PTGER4: variants seen among roughly 807,000 people sequenced by gnomAD.
PTGER4 encodes the protein prostaglandin E receptor 4.
PTGER4 carries 11 observed loss-of-function variants against 33.2 expected under a neutral mutation model. The ratio of observed to expected loss-of-function variants is 0.33; its 90% CI spans 0.21 to 0.55. The LOEUF is 0.55. Among genes scored for constraint, PTGER4 ranks in the 20% least tolerant of loss-of-function variants. The probability of loss-of-function intolerance (pLI) is 0.92; values close to 1 mark genes in which losing one functional copy is unlikely to be tolerated. For missense variants in PTGER4, 481 were observed against 650.2 expected (o/e 0.74, Z 2.83); for synonymous variants, 275 against 281.5 (o/e 0.98, Z 0.23).
At chr5:40,713,855 G>A in the PTGER4 span, among the ~76,000 whole-genome samples, 3 of 152,206 alleles carry the variant, frequency 2.0e-5, no homozygotes, top group East Asian at 5.8e-4. Flanking sequence ...GTCTATGTTT[G>A]TATATCAGTA....
chr5:40,741,977 G>A, the PTGER4 span, among the ~76,000 whole-genome samples: 408 of 152,104 alleles, frequency 2.7e-3, no homozygotes, highest in African/African-American at 9.3e-3. Flanking sequence ...CCAACAGAGC[G>A]AGACTCTGTC....
chr5:40,681,803 G>C lies in PTGER4; in HGVS notation c.810G>C (p.Met270Ile). The change falls in exon 2 of 3, where the codon ATG becomes ATC. Residue 270 changes from methionine (M) to isoleucine (I), a missense_variant. By Grantham distance (10) the Met-to-Ile change is conservative (BLOSUM62 1). Coordinates refer to ENST00000302472, the MANE Select transcript of PTGER4 (RefSeq NM_000958.3). This position sits in a 1 kb window ranked among gnomAD's most constrained non-coding sequence, Gnocchi z 9.8. ...FRRIAGAEIQ[M>I]VILLIATSLV... ...GCATCGCGGGCGCCGAGATCCAGAT[G>C]GTCATCTTACTCATTGCCACCTCCC... The C allele has an allele frequency of 3.8e-6, 6 of 1,590,754 alleles. No individual in the cohort carries two copies. The highest frequency in any genetic ancestry group is 1.8e-5 in the Admixed American group (1 of 56,898).
At chr5:40,713,906 C>A in the PTGER4 span, among the ~76,000 whole-genome samples, 10 of 152,160 alleles carry the variant, frequency 6.6e-5, no homozygotes, top group East Asian at 1.9e-3. Flanking sequence ...TTTCTCTTCA[C>A]GCATAGAAGA....
the PTGER4 span, among the ~76,000 whole-genome samples, chr5:40,708,937 G>T: frequency 6.6e-6 from 1 of 152,146 alleles, no homozygotes; most frequent in Non-Finnish European, 1.5e-5. Flanking sequence ...AAAACCACAT[G>T]ATTATCTCAA....
At chr5:40,744,314 T>C in the PTGER4 span, among the ~76,000 whole-genome samples, 1 of 152,230 alleles carries the variant, frequency 6.6e-6, no homozygotes, top group African/African-American at 2.4e-5. Flanking sequence ...ATTCCCAATT[T>C]GAGATGCTAG....
At chr5:40,728,148 G>A in the PTGER4 span, among the ~76,000 whole-genome samples, 1 of 151,758 alleles carries the variant, frequency 6.6e-6, no homozygotes, top group Non-Finnish European at 1.5e-5. Flanking sequence ...GCCAGGCATG[G>A]TGGCGCATGC....
At chr5:40,697,226 A>AAAAGAAAGAAAGAAAGAAAGAAAGAAAG (rs70988803), downstream of PTGER4, among the ~76,000 whole-genome samples, 3 of 112,566 alleles carry the variant, frequency 2.7e-5, no homozygotes, top group Non-Finnish European at 1.8e-5. Context: ...AAGAAAGAAG[A>AAAAGAAAGAAAGAAAGAAAGAAAGAAAG]AAAGAAAGAA....
Position 40,692,575 on chromosome 5 carries a change from G to T in PTGER4, c.*197G>T, listed in dbSNP as rs1741501091. The T allele has an allele frequency of 7.3e-7, 1 of 1,369,862 alleles. No homozygotes were observed. The highest frequency in any genetic ancestry group is 9.4e-7 in the Non-Finnish European group (1 of 1,063,484). The allele number at this position is 1,369,862 out of a possible 1,614,324, so 84.9% of individuals were successfully genotyped here. ...GGGTCCTGAGGCCTGCAGCACGTCG[G>T]ATGCTACCCCACTATGACAGAGGAT... On this transcript the variant is annotated 3_prime_UTR_variant, in exon 3 of 3. Transcript: ENST00000302472.
At position 40,683,390 on chromosome 5, in the gene PTGER4, T is replaced by A. The variant is rs1017082814; in HGVS notation, c.867+1530T>A. ...CCAGGACCCAATATAATTTACAGAG[T>A]TAAGTCACACTTGAGCCACATAAAT... On this transcript the variant is annotated intron_variant, in intron 2 of 2. Transcript: ENST00000302472. This position sits in a 1 kb window ranked among gnomAD's most constrained non-coding sequence, Gnocchi z 4.2. 6.6e-6 allele frequency among the ~76,000 whole-genome samples: 1 copy of A among 152,122 alleles called. No homozygotes were observed. Among genetic ancestry groups the A allele is most frequent in the Admixed American group, 6.5e-5 (1 of 15,276 alleles).
the PTGER4 span, among the ~76,000 whole-genome samples, chr5:40,710,313 G>C: frequency 1.4e-4 from 21 of 152,150 alleles, no homozygotes; most frequent in Non-Finnish European, 2.4e-4. Flanking sequence ...GCAGCCAAAG[G>C]ACACATGAAA....
chr5:40,702,602 C>G, the PTGER4 span, among the ~76,000 whole-genome samples: 1 of 152,212 alleles, frequency 6.6e-6, no homozygotes, highest in Non-Finnish European at 1.5e-5. Context: ...TTAGACAGAT[C>G]ATCAAGGCAG....
the PTGER4 span, among the ~76,000 whole-genome samples, chr5:40,698,749 T>C: frequency 6.5e-3 from 987 of 152,274 alleles, 8 homozygotes; most frequent in African/African-American, 0.022. Flanking sequence ...ACTAATTATT[T>C]TGAAAAGTGG....
the PTGER4 span, among the ~76,000 whole-genome samples, chr5:40,742,913 A>G: frequency 4.2e-4 from 64 of 152,332 alleles, no homozygotes; most frequent in Middle Eastern, 6.8e-3. Flanking sequence ...GTTTTTAGCC[A>G]TAATACAGCC....
At chr5:40,726,616 GAA>G in the PTGER4 span, among the ~76,000 whole-genome samples, 825 of 148,210 alleles carry the variant, frequency 5.6e-3, 7 homozygotes, top group African/African-American at 0.018. Context: ...CATATCAACA[GAA>G]AAAAAAAAAG....
At chr5:40,727,645 T>C in the PTGER4 span, among the ~76,000 whole-genome samples, 1 of 152,242 alleles carries the variant, frequency 6.6e-6, no homozygotes, top group African/African-American at 2.4e-5. Flanking sequence ...CCTTCCCCTG[T>C]ATAATCTATC....
chr5:40,685,146 C>G (rs2111795053), intron 2 of PTGER4, among the ~76,000 whole-genome samples: 1 of 152,204 alleles, frequency 6.6e-6, no homozygotes, highest in East Asian at 1.9e-4. Context: ...TTACTTGTTT[C>G]TTTTATTTTT....
downstream of PTGER4, among the ~76,000 whole-genome samples, chr5:40,697,735 A>G (rs1289028089): frequency 1.3e-5 from 2 of 152,022 alleles, no homozygotes; most frequent in African/African-American, 2.4e-5. Flanking sequence ...AAAGGCAATT[A>G]TTGACTCCAT....
At chr5:40,741,007 C>T in the PTGER4 span, among the ~76,000 whole-genome samples, 1 of 152,078 alleles carries the variant, frequency 6.6e-6, no homozygotes, top group African/African-American at 2.4e-5. Context: ...AGTTGTATTA[C>T]CATTTTAATC....
chr5:40,696,014 C>A (rs551403807), downstream of PTGER4, among the ~76,000 whole-genome samples: 1 of 152,210 alleles, frequency 6.6e-6, no homozygotes, highest in East Asian at 1.9e-4. Context: ...GAAACCCAAT[C>A]CCCACCAGTA....
Sources: allele counts gnomAD v4.1 joint callset (sites outside exome capture counted in the v4.1 genomes callset), GRCh38; gene constraint gnomAD v4.1.1; non-coding constraint Gnocchi (gnomAD v3.1); transcripts MANE v1.5; gene names NCBI Gene and HGNC (gene_info 2026-07-23, HGNC 2026-07-21).